Variants in CERS6 observed in about 807,000 individuals in gnomAD.
CERS6 encodes the protein LAG1 homolog, ceramide synthase 6.
A neutral mutation model predicts 56.8 loss-of-function variants in CERS6; 26 were observed. The ratio of observed to expected loss-of-function variants is 0.46; its 90% CI spans 0.34 to 0.63. The LOEUF (loss-of-function observed/expected upper bound fraction) is 0.63. CERS6 is among the 30% of genes least tolerant of loss of function. The pLI is 0.01. For synonymous variants in CERS6, 164 were observed against 173.3 expected (o/e 0.95, Z 0.42); for missense variants, 415 against 467.5 (o/e 0.89, Z 1.04).
At chr2:168,597,857 G>C (rs1683837351) in intron 3 of CERS6, among the ~76,000 whole-genome samples, 1 of 152,206 alleles carries the variant, frequency 6.6e-6, no homozygotes, top group African/African-American at 2.4e-5. Context: ...CAGTGTGCCA[G>C]AGTGCCTTCT....
chr2:168,739,659 T>A (rs533132181), intron 8 of CERS6, among the ~76,000 whole-genome samples: 2 of 152,330 alleles, frequency 1.3e-5, no homozygotes, highest in African/African-American at 4.8e-5. Context: ...TATTCCATTT[T>A]ATTTTTTTGC....
At chr2:168,547,511 T>G in intron 1 of CERS6, 85 bp from the exon 2 acceptor site, 1 of 686,872 alleles carries the variant, frequency 1.5e-6, no homozygotes, top group Non-Finnish European at 2.4e-6. Flanking sequence ...TTGGGATAAT[T>G]GAGTAATGTG....
chr2:168,695,552 G>C (rs541781713), intron 6 of CERS6, among the ~76,000 whole-genome samples: 1 of 152,210 alleles, frequency 6.6e-6, no homozygotes, highest in African/African-American at 2.4e-5. Context: ...GACCCCTTAC[G>C]TGTTAAATCC....
At position 168,745,957 on chromosome 2, in the gene CERS6, A is replaced by G. The variant is rs975323343; in HGVS notation, c.846-19635A>G. ...GGTCACCTCCCAGGCCCATCAGTGT[A>G]AAAAATGAACTGGATATGGTGCATA... On this transcript the variant is annotated intron_variant, in intron 8 of 9. Coordinates refer to ENST00000305747, the MANE Select transcript of CERS6 (RefSeq NM_203463.3). Among the ~76,000 whole-genome samples, 14 of 152,210 alleles carry G rather than the reference A, an allele frequency of 9.2e-5. No individual in the cohort carries two copies. In the East Asian group the frequency reaches 2.7e-3, roughly 29 times the overall value.
intron 4 of CERS6, among the ~76,000 whole-genome samples, chr2:168,631,810 A>G (rs1456544258): frequency 2.4e-5 from 3 of 123,760 alleles, no homozygotes; most frequent in South Asian, 2.3e-4. Flanking sequence ...TATATTATAT[A>G]ATTTATTATA....
In CERS6 at chr2:168,596,576, C is replaced by T. The variant is rs1683804968; in HGVS notation, c.408-34409C>T. On this transcript the variant is annotated intron_variant, in intron 3 of 9. Transcript: ENST00000305747. The stretch of plus-strand genomic sequence containing the variant: ...CCCCCTTTTTTTTTTTTTTTTGAGA[C>T]TGAGTCTCACTCTATCATCCAAACT... Among the ~76,000 whole-genome samples, 3 of 99,934 alleles carry T rather than the reference C, an allele frequency of 3.0e-5. No homozygotes were observed. In the South Asian group the frequency reaches 1.1e-3, roughly 37 times the overall value. The allele number at this position is 99,934 out of a possible 152,430, so 65.6% of individuals were successfully genotyped here.
At chr2:168,605,396 T>C (rs904233679) in intron 3 of CERS6, among the ~76,000 whole-genome samples, 5 of 152,170 alleles carry the variant, frequency 3.3e-5, no homozygotes, top group Non-Finnish European at 7.4e-5. Context: ...CAATTGGAAC[T>C]TACGTAATAT....
At chr2:168,704,571 C>G (rs189554736) in intron 6 of CERS6, among the ~76,000 whole-genome samples, 1 of 152,224 alleles carries the variant, frequency 6.6e-6, no homozygotes, top group Admixed American at 6.5e-5. Context: ...AAGAGGCACC[C>G]CTTCCACTCA....
chr2:168,516,434 G>T (rs1694885723), intron 1 of CERS6, among the ~76,000 whole-genome samples: 1 of 152,208 alleles, frequency 6.6e-6, no homozygotes, highest in East Asian at 1.9e-4. Context: ...TTTTTTGAGT[G>T]TATAGCGATT....
chr2:168,525,520 G>T (rs1695054742), intron 1 of CERS6, among the ~76,000 whole-genome samples: 1 of 152,222 alleles, frequency 6.6e-6, no homozygotes, highest in South Asian at 2.1e-4. Flanking sequence ...CAATGCTTAT[G>T]GTTCTTGGGT....
chr2:168,698,666 C>T (rs1454149869), intron 6 of CERS6, among the ~76,000 whole-genome samples: 2 of 152,148 alleles, frequency 1.3e-5, no homozygotes, highest in African/African-American at 4.8e-5. Flanking sequence ...CAAACCATAT[C>T]AATTGCTTTA....
chr2:168,660,879 C>G (rs1437307735), intron 4 of CERS6, among the ~76,000 whole-genome samples: 1 of 152,184 alleles, frequency 6.6e-6, no homozygotes, highest in Non-Finnish European at 1.5e-5. Flanking sequence ...TTGATCATCT[C>G]TTTCCTAGAG....
intron 3 of CERS6, among the ~76,000 whole-genome samples, chr2:168,619,491 A>C (rs1684408697): frequency 6.6e-6 from 1 of 151,814 alleles, no homozygotes; most frequent in South Asian, 2.1e-4. Context: ...TCTAAAAAGA[A>C]CTCAAACAAA....
chr2:168,733,905 T>G (rs1683631590), intron 8 of CERS6, among the ~76,000 whole-genome samples: 1 of 152,138 alleles, frequency 6.6e-6, no homozygotes. Context: ...AAAATCAGAT[T>G]GCCAATACTT....
At chr2:168,601,577 T>C (rs1272220338) in intron 3 of CERS6, among the ~76,000 whole-genome samples, 1 of 151,376 alleles carries the variant, frequency 6.6e-6, no homozygotes, top group African/African-American at 2.4e-5. Flanking sequence ...TTTGAGACAG[T>C]CTCGCTCTGT....
chr2:168,632,933 C>T (rs1024941130), intron 4 of CERS6, among the ~76,000 whole-genome samples: 28 of 152,172 alleles, frequency 1.8e-4, no homozygotes, highest in African/African-American at 5.3e-4. Context: ...TACGGCAATG[C>T]GGTTATCTGT....
At chr2:168,551,193 T>A (rs948793451) in intron 2 of CERS6, among the ~76,000 whole-genome samples, 1 of 152,204 alleles carries the variant, frequency 6.6e-6, no homozygotes, top group Non-Finnish European at 1.5e-5. Flanking sequence ...CCTATCTGGT[T>A]CTCCTTTGTG....
chr2:168,567,456 A>G (rs1695903579), intron 3 of CERS6, among the ~76,000 whole-genome samples: 1 of 152,218 alleles, frequency 6.6e-6, no homozygotes, highest in African/African-American at 2.4e-5. Flanking sequence ...AGATGATGCA[A>G]ATGTGCATGG....
intron 6 of CERS6, among the ~76,000 whole-genome samples, chr2:168,697,553 C>CTTTT (rs113250500): frequency 7.1e-4 from 100 of 141,236 alleles, no homozygotes; most frequent in East Asian, 1.4e-3. Context: ...AACATTCTTC[C>CTTTT]TTTTTTTTTT....
Sources: gnomAD v4.1 joint callset for allele counts (sites outside exome capture counted in the v4.1 genomes callset) on GRCh38, gnomAD v4.1.1 for gene constraint, MANE v1.5 for transcripts, NCBI Gene and HGNC (gene_info 2026-07-23, HGNC 2026-07-21) for gene names.